Variants in SLC24A2 observed in about 807,000 individuals in gnomAD.
SLC24A2 encodes solute carrier family 24 member 2, also known as sodium/potassium/calcium exchanger 2.
Under a neutral mutation model 62.0 loss-of-function variants are expected in SLC24A2, and 36 were observed. The observed-to-expected ratio is 0.58, with a 90% CI of 0.44 to 0.77. The LOEUF (loss-of-function observed/expected upper bound fraction) is 0.77. SLC24A2 is among the 30% of genes least tolerant of loss of function. The pLI is 0.00. For missense variants in SLC24A2, 846 were observed against 817.9 expected, an observed-to-expected ratio of 1.03 and a Z score of -0.42; for synonymous variants, 358 against 294.0, an observed-to-expected ratio of 1.22 and a Z score of -2.23.
the SLC24A2 span, among the ~76,000 whole-genome samples, chr9:19,814,454 T>G: frequency 6.6e-6 from 1 of 152,192 alleles, no homozygotes; most frequent in East Asian, 1.9e-4. Flanking sequence ...ACATTTGTTA[T>G]CAAAATCATC....
chr9:20,114,560 G>A, the SLC24A2 span, among the ~76,000 whole-genome samples: 1 of 152,140 alleles, frequency 6.6e-6, no homozygotes, highest in Non-Finnish European at 1.5e-5. Context: ...GTTCCAAGGA[G>A]AAATATTTGG....
intron 7 of SLC24A2, 127 bp downstream of exon 7, chr9:19,573,224 T>A (rs1835889647): frequency 8.7e-6 from 6 of 687,336 alleles, no homozygotes; most frequent in South Asian, 1.5e-5. Context: ...CAAGGATGTA[T>A]AAGGCCCTAC....
At chr9:20,053,310 G>C in the SLC24A2 span, among the ~76,000 whole-genome samples, 1,504 of 152,230 alleles carry the variant, frequency 9.9e-3, 30 homozygotes, top group African/African-American at 0.034. Context: ...TATAACCAGA[G>C]ATTTCCAACA....
At chr9:19,801,547 C>G in the SLC24A2 span, among the ~76,000 whole-genome samples, 1 of 152,202 alleles carries the variant, frequency 6.6e-6, no homozygotes, top group Non-Finnish European at 1.5e-5. Context: ...GGGAGGGGAA[C>G]CAAAGAGGGT....
At chr9:20,041,150 ACGCGTGCG>A in the SLC24A2 span, among the ~76,000 whole-genome samples, 14 of 152,176 alleles carry the variant, frequency 9.2e-5, no homozygotes, top group South Asian at 1.9e-3. Flanking sequence ...GCGTGTGTGT[ACGCGTGCG>A]CGCGTGCGCA....
At chr9:20,248,638 G>A in the SLC24A2 span, among the ~76,000 whole-genome samples, 23 of 152,118 alleles carry the variant, frequency 1.5e-4, no homozygotes, top group South Asian at 2.1e-4. Flanking sequence ...GAATACCATC[G>A]CATTGGGGAT....
chr9:20,187,991 C>T, the SLC24A2 span, among the ~76,000 whole-genome samples: 1 of 152,190 alleles, frequency 6.6e-6, no homozygotes, highest in Non-Finnish European at 1.5e-5. Context: ...TGTCTTTCAT[C>T]TCTGAAGCCC....
chr9:20,081,031 G>T, the SLC24A2 span, among the ~76,000 whole-genome samples: 8 of 152,284 alleles, frequency 5.3e-5, no homozygotes, highest in Non-Finnish European at 1.0e-4. Flanking sequence ...ATGTTGGTGG[G>T]ACTGTAAACT....
the SLC24A2 span, among the ~76,000 whole-genome samples, chr9:20,203,977 TCA>T: frequency 0.1 from 15,316 of 152,094 alleles, 1,977 homozygotes; most frequent in East Asian, 0.6. Context: ...AGAAACAGAG[TCA>T]CATTACTCTC....
chr9:19,708,816 T>C (rs868031121), intron 2 of SLC24A2, among the ~76,000 whole-genome samples: 2 of 152,124 alleles, frequency 1.3e-5, no homozygotes, highest in Non-Finnish European at 2.9e-5. Flanking sequence ...GAAGAAAACC[T>C]AGGCAATAAC....
chr9:19,850,985 G>A, the SLC24A2 span, among the ~76,000 whole-genome samples: 2,008 of 18,108 alleles, frequency 0.11, 97 homozygotes, highest in African/African-American at 0.16. Context: ...ATATATATAT[G>A]TATATATATA....
the SLC24A2 span, among the ~76,000 whole-genome samples, chr9:19,836,576 G>T: frequency 3.9e-5 from 6 of 152,182 alleles, no homozygotes; most frequent in Non-Finnish European, 7.3e-5. Context: ...TGAAATTGAG[G>T]CAATAATGAA....
At chr9:19,634,725 T>C (rs1818269585) in intron 2 of SLC24A2, among the ~76,000 whole-genome samples, 4 of 152,262 alleles carry the variant, frequency 2.6e-5, no homozygotes, top group African/African-American at 4.8e-5. Flanking sequence ...AGAAGTCATC[T>C]AATCTTTATA....
chr9:20,090,572 A>G, the SLC24A2 span, among the ~76,000 whole-genome samples: 1 of 152,132 alleles, frequency 6.6e-6, no homozygotes, highest in East Asian at 1.9e-4. Flanking sequence ...CCGTCAAACC[A>G]AAAGATTCAA....
chr9:19,820,042 C>CATATATATATATAT, the SLC24A2 span, among the ~76,000 whole-genome samples: 11 of 32,884 alleles, frequency 3.3e-4, no homozygotes, highest in African/African-American at 7.6e-4. Context: ...TATATATATA[C>CATATATATATATAT]ATATATATAT....
At chr9:20,126,762 T>A in the SLC24A2 span, among the ~76,000 whole-genome samples, 2 of 152,180 alleles carry the variant, frequency 1.3e-5, no homozygotes, top group Non-Finnish European at 2.9e-5. Context: ...ATGCATATCC[T>A]TAATTCTCTT....
the SLC24A2 span, among the ~76,000 whole-genome samples, chr9:20,262,904 A>C: frequency 1.3e-5 from 2 of 151,432 alleles, no homozygotes; most frequent in African/African-American, 4.9e-5. Context: ...TTTTTTTCCT[A>C]ACCTTGAGAA....
chr9:19,956,890 G>C, the SLC24A2 span, among the ~76,000 whole-genome samples: 1 of 152,128 alleles, frequency 6.6e-6, no homozygotes, highest in Non-Finnish European at 1.5e-5. Flanking sequence ...TTTGTCATGT[G>C]AGGACACAGC....
At chr9:20,217,303 C>A in the SLC24A2 span, among the ~76,000 whole-genome samples, 9 of 152,118 alleles carry the variant, frequency 5.9e-5, no homozygotes, top group Non-Finnish European at 1.3e-4. Context: ...TAGCAGTTAC[C>A]TTTGCAGGGG....
Sources: allele counts gnomAD v4.1 joint callset (sites outside exome capture counted in the v4.1 genomes callset), GRCh38; gene constraint gnomAD v4.1.1; transcripts MANE v1.5; gene names NCBI Gene and HGNC (gene_info 2026-07-23, HGNC 2026-07-21).